Variants in PLCB1 observed in about 807,000 individuals in gnomAD.
The protein encoded by PLCB1 is 1-phosphatidylinositol 4,5-bisphosphate phosphodiesterase beta-1.
Under a neutral mutation model 161.8 loss-of-function variants are expected in PLCB1, and 46 were observed. The ratio of observed to expected loss-of-function variants is 0.28; its 90% CI spans 0.22 to 0.36. PLCB1 has a LOEUF of 0.36. Among genes scored for constraint, PLCB1 ranks in the 10% least tolerant of loss-of-function variants. PLCB1 has a pLI of 1.00. For synonymous variants in PLCB1, 517 were observed against 503.7 expected (o/e 1.03, Z -0.35); for missense variants, 1,016 against 1,472.5 (o/e 0.69, Z 5.07).
At chr20:8,307,451 A>G (rs1984184682) in intron 2 of PLCB1, among the ~76,000 whole-genome samples, 1 of 152,170 alleles carries the variant, frequency 6.6e-6, no homozygotes, top group African/African-American at 2.4e-5. Context: ...CGACGACCTG[A>G]CTGCCCACCT....
chr20:8,788,253 A>G (rs1983584576), intron 27 of PLCB1, among the ~76,000 whole-genome samples, 196 bp from the exon 28 acceptor site: 1 of 152,228 alleles, frequency 6.6e-6, no homozygotes, highest in Admixed American at 6.5e-5. Context: ...AGAATTTCAT[A>G]TTAAAACCCA....
At chr20:8,432,167 C>T (rs79411223) in intron 3 of PLCB1, among the ~76,000 whole-genome samples, 3 of 152,044 alleles carry the variant, frequency 2.0e-5, no homozygotes, top group Non-Finnish European at 4.4e-5. Context: ...TGAGGAGGGC[C>T]GGGTTTATTG....
intron 2 of PLCB1, among the ~76,000 whole-genome samples, chr20:8,294,728 A>T (rs1480310997): frequency 6.6e-6 from 1 of 151,420 alleles, no homozygotes; most frequent in Non-Finnish European, 1.5e-5. Flanking sequence ...AAACAATTTC[A>T]CACAATCCTG....
rs974420537 is a variant in PLCB1, at chr20:8,746,083, C to T, written c.2523+4510C>T. ...AGTAGCCGGGACTACAGGCACCCAC[C>T]ACCATACCTGGCTAATTTTTGTCTT... is the stretch of plus-strand genomic sequence containing the variant. On this transcript the variant is annotated intron_variant, in intron 23 of 31. Coordinates refer to ENST00000338037, the MANE Select transcript of PLCB1 (RefSeq NM_015192.4). Among the ~76,000 whole-genome samples, 4 of 152,240 alleles carry T rather than the reference C, an allele frequency of 2.6e-5. No individual in the cohort carries two copies. In the Middle Eastern group the frequency reaches 0.01, roughly 388 times the overall value.
At chr20:8,762,225 T>G (rs1161424480) in intron 25 of PLCB1, among the ~76,000 whole-genome samples, 1 of 152,092 alleles carries the variant, frequency 6.6e-6, no homozygotes, top group Non-Finnish European at 1.5e-5. Flanking sequence ...AAAGAAAGAT[T>G]TAGTTTCATG....
chr20:8,696,514 T>C (rs549560654), intron 10 of PLCB1, among the ~76,000 whole-genome samples: 11 of 152,254 alleles, frequency 7.2e-5, no homozygotes, highest in Non-Finnish European at 1.2e-4. Context: ...TTTGGATCAG[T>C]TTGCCAATTT....
intron 31 of PLCB1, among the ~76,000 whole-genome samples, chr20:8,878,695 G>A (rs1987865827): frequency 6.6e-6 from 1 of 151,764 alleles, no homozygotes; most frequent in South Asian, 2.1e-4. Flanking sequence ...ATTTTTACCA[G>A]ATACCATTTT....
At chr20:8,276,980 C>CTTATTATTATTA (rs1195931646) in intron 2 of PLCB1, among the ~76,000 whole-genome samples, 108 of 96,824 alleles carry the variant, frequency 1.1e-3, no homozygotes, top group South Asian at 1.4e-3. Context: ...TCTTCTTCTT[C>CTTATTATTATTA]TTCTTCTTAT....
At chr20:8,140,535 T>C (rs1294338823) in intron 1 of PLCB1, among the ~76,000 whole-genome samples, 1 of 152,214 alleles carries the variant, frequency 6.6e-6, no homozygotes, top group East Asian at 1.9e-4. Flanking sequence ...TTCATGCTTA[T>C]ATAGCAGCCC....
intron 12 of PLCB1, among the ~76,000 whole-genome samples, chr20:8,709,614 T>C (rs1238942114): frequency 6.6e-6 from 1 of 152,220 alleles, no homozygotes; most frequent in South Asian, 2.1e-4. Context: ...AACATGTGCT[T>C]CAATTCTCTA....
chr20:8,512,748 G>A (rs1320054592), intron 3 of PLCB1, among the ~76,000 whole-genome samples: 1 of 152,100 alleles, frequency 6.6e-6, no homozygotes, highest in Non-Finnish European at 1.5e-5. Flanking sequence ...TGTGGAAGGA[G>A]TAAATCCGAC....
intron 27 of PLCB1, 139 bp downstream of exon 27, chr20:8,774,858 G>C: frequency 1.7e-6 from 1 of 572,996 alleles, no homozygotes; most frequent in East Asian, 2.8e-5. Flanking sequence ...GTGACACAGT[G>C]TCCATCACAC....
chr20:8,499,710 G>T, intron 3 of PLCB1, among the ~76,000 whole-genome samples: 1 of 152,162 alleles, frequency 6.6e-6, no homozygotes, highest in East Asian at 1.9e-4. Flanking sequence ...AGGCTAACTT[G>T]CTGCAATTTG....
intron 3 of PLCB1, among the ~76,000 whole-genome samples, chr20:8,384,229 A>AT (rs1165222465): frequency 6.6e-6 from 1 of 150,736 alleles, no homozygotes; most frequent in Admixed American, 6.6e-5. Flanking sequence ...CCTTTTCATT[A>AT]TTTTTTCTCT....
chr20:8,737,670 T>C (rs1365768095), intron 20 of PLCB1, among the ~76,000 whole-genome samples: 1 of 152,208 alleles, frequency 6.6e-6, no homozygotes, highest in East Asian at 1.9e-4. Context: ...CACACTCAAC[T>C]GGGCCCTTCT....
intron 3 of PLCB1, among the ~76,000 whole-genome samples, chr20:8,544,001 C>T (rs947637281): frequency 1.4e-4 from 22 of 152,174 alleles, no homozygotes; most frequent in African/African-American, 5.3e-4. Context: ...TAATATACAA[C>T]ATCATAACCA....
At chr20:8,317,016 TCAC>T (rs1358527178) in intron 2 of PLCB1, among the ~76,000 whole-genome samples, 3 of 146,080 alleles carry the variant, frequency 2.1e-5, no homozygotes, top group Non-Finnish European at 4.5e-5. Context: ...TTTGGTTTGT[TCAC>T]CAGTGGATTT....
chr20:8,419,729 C>G (rs1979458038), intron 3 of PLCB1, among the ~76,000 whole-genome samples: 1 of 151,940 alleles, frequency 6.6e-6, no homozygotes, highest in Admixed American at 6.6e-5. Context: ...GAACATAGCC[C>G]CAACATAAGT....
intron 31 of PLCB1, among the ~76,000 whole-genome samples, chr20:8,869,501 G>A (rs939607355): frequency 1.6e-4 from 24 of 152,176 alleles, no homozygotes; most frequent in Non-Finnish European, 3.4e-4. Context: ...TGCTTTTAGG[G>A]TAAGTGGCTT....
Sources: allele counts gnomAD v4.1 joint callset (sites outside exome capture counted in the v4.1 genomes callset), GRCh38; gene constraint gnomAD v4.1.1; transcripts MANE v1.5; gene names NCBI Gene and HGNC (gene_info 2026-07-23, HGNC 2026-07-21).